UNC5D: variants seen among roughly 807,000 people sequenced by gnomAD.
The protein encoded by UNC5D is netrin receptor UNC5D.
Under a neutral mutation model 105.4 loss-of-function variants are expected in UNC5D, and 39 were observed. The observed-to-expected ratio is 0.37, with a 90% CI of 0.29 to 0.48. UNC5D has a LOEUF of 0.48. UNC5D is among the 20% of genes least tolerant of loss of function. UNC5D has a pLI of 0.98. For missense variants in UNC5D, 991 were observed against 1,202.4 expected (o/e 0.82, Z 2.60); for synonymous variants, 452 against 450.4 (o/e 1.00, Z -0.04).
chr8:35,709,404 A>C (rs1827798065), intron 8 of UNC5D, among the ~76,000 whole-genome samples: 1 of 152,156 alleles, frequency 6.6e-6, no homozygotes. Flanking sequence ...TAATAAAGTT[A>C]TGTAGCTGGA....
intron 1 of UNC5D, among the ~76,000 whole-genome samples, chr8:35,514,503 A>G (rs887929701): frequency 2.0e-5 from 3 of 152,222 alleles, no homozygotes; most frequent in Admixed American, 1.3e-4. Flanking sequence ...CAACATTCCA[A>G]TCAAAGCAGA....
At chr8:35,376,369 G>A (rs1802699846) in intron 1 of UNC5D, among the ~76,000 whole-genome samples, 3 of 152,136 alleles carry the variant, frequency 2.0e-5, no homozygotes, top group South Asian at 2.1e-4. Flanking sequence ...TGATGTATTT[G>A]GTGAAGAACG....
chr8:35,297,486 A>G (rs934801919), intron 1 of UNC5D, among the ~76,000 whole-genome samples: 1 of 152,160 alleles, frequency 6.6e-6, no homozygotes, highest in African/African-American at 2.4e-5. Flanking sequence ...ATGGAATCAC[A>G]TCTATTGATG....
intron 8 of UNC5D, chr8:35,721,575 A>C: frequency 1.4e-6 from 1 of 699,020 alleles, no homozygotes; most frequent in Non-Finnish European, 2.6e-6. Flanking sequence ...CCATGGACTT[A>C]ACAGCACCTG....
intron 3 of UNC5D, among the ~76,000 whole-genome samples, chr8:35,579,997 C>T (rs904145795): frequency 2.0e-5 from 3 of 152,118 alleles, no homozygotes; most frequent in Admixed American, 6.6e-5. Flanking sequence ...GATTCAGGAA[C>T]GTAAAATTAG....
At chr8:35,676,102 C>G (rs866157526) in intron 4 of UNC5D, among the ~76,000 whole-genome samples, 9 of 152,072 alleles carry the variant, frequency 5.9e-5, no homozygotes, top group South Asian at 4.1e-4. Context: ...ACTAGAAGCT[C>G]ATCAGTTGCA....
intron 1 of UNC5D, among the ~76,000 whole-genome samples, chr8:35,510,014 C>T (rs1812591542): frequency 6.6e-6 from 1 of 152,160 alleles, no homozygotes; most frequent in Non-Finnish European, 1.5e-5. Context: ...TTCGTGCCCT[C>T]TTTGGGTGCA....
At position 35,697,669 on chromosome 8, in the gene UNC5D, C is replaced by T. The variant is rs375102503; in HGVS notation, c.1085-8260C>T. ...ACGGACACTGTATAAGGCTTAGCAG[C>T]ACTGATTCATTTGACAGATATTTAT... On this transcript the variant is annotated intron_variant, in intron 7 of 16. Transcript: ENST00000404895. Among the ~76,000 whole-genome samples the T allele has an allele frequency of 6.2e-4, 94 of 152,222 alleles. 1 individual carries two copies. In the South Asian group the frequency reaches 0.019, roughly 31 times the overall value.
chr8:35,300,350 G>A (rs894993137), intron 1 of UNC5D, among the ~76,000 whole-genome samples: 3 of 150,862 alleles, frequency 2.0e-5, no homozygotes, highest in African/African-American at 7.3e-5. Flanking sequence ...TGGAGGCTGA[G>A]GTAGGAGAAT....
intron 1 of UNC5D, among the ~76,000 whole-genome samples, chr8:35,380,204 A>G (rs910442566): frequency 4.0e-5 from 6 of 148,990 alleles, no homozygotes; most frequent in Non-Finnish European, 9.0e-5. Flanking sequence ...AGAGGGAGAG[A>G]GAGAGAGAGA....
rs939610337 is a variant in UNC5D at position 35,795,346 on chromosome 8, A to T, written c.*4783A>T. 6.6e-6 allele frequency: 1 copy of T among 152,200 alleles called. No homozygotes were observed. Among genetic ancestry groups the T allele is most frequent in the African/African-American group, 2.4e-5 (1 of 41,460 alleles). 9.4% of individuals were successfully genotyped at this position (152,200 alleles called of 1,614,324 possible). A position where few individuals can be genotyped will look rare whatever the true frequency, so the allele number is the denominator to read the frequency against. On this transcript the variant is annotated 3_prime_UTR_variant, in exon 17 of 17. Transcript: ENST00000404895. The stretch of plus-strand genomic sequence containing the variant: ...TTGCCTCCAGTTTTGCTAACCCTAA[A>T]AAGTATTTCACTAATTTCAAGCACT...
intron 1 of UNC5D, among the ~76,000 whole-genome samples, chr8:35,412,990 A>G (rs1805273623): frequency 6.6e-6 from 1 of 152,100 alleles, no homozygotes; most frequent in Admixed American, 6.6e-5. Context: ...CTTTTTGAAC[A>G]TATGAAATGT....
intron 1 of UNC5D, among the ~76,000 whole-genome samples, chr8:35,491,380 A>C (rs1811206851): frequency 6.6e-6 from 1 of 152,166 alleles, no homozygotes; most frequent in Admixed American, 6.5e-5. Flanking sequence ...CTTGGCTTTA[A>C]ACAATAGGCC....
chr8:35,427,687 G>A (rs1197047323), intron 1 of UNC5D, among the ~76,000 whole-genome samples: 1 of 152,182 alleles, frequency 6.6e-6, no homozygotes, highest in Non-Finnish European at 1.5e-5. Context: ...GGAGTCTCCT[G>A]TAATCCCTGT....
chr8:35,322,997 C>T (rs1809864894), intron 1 of UNC5D, among the ~76,000 whole-genome samples: 1 of 152,116 alleles, frequency 6.6e-6, no homozygotes, highest in African/African-American at 2.4e-5. Context: ...CCAGGCATTT[C>T]TGCCTCTGCA....
At chr8:35,304,667 A>G (rs532625653) in intron 1 of UNC5D, among the ~76,000 whole-genome samples, 1 of 152,216 alleles carries the variant, frequency 6.6e-6, no homozygotes, top group Non-Finnish European at 1.5e-5. Flanking sequence ...GACTGTAATA[A>G]TTTTGTAAGC....
chr8:35,545,875 C>A (rs373730066), intron 1 of UNC5D, among the ~76,000 whole-genome samples: 1 of 151,512 alleles, frequency 6.6e-6, no homozygotes, highest in African/African-American at 2.4e-5. Context: ...ATCCTCTGAA[C>A]GTTAACTGAT....
intron 1 of UNC5D, among the ~76,000 whole-genome samples, chr8:35,430,909 C>T (rs1244544573): frequency 6.6e-6 from 1 of 152,144 alleles, no homozygotes; most frequent in Non-Finnish European, 1.5e-5. Flanking sequence ...CACACACATG[C>T]ATGCATGCAC....
intron 4 of UNC5D, among the ~76,000 whole-genome samples, chr8:35,657,080 G>GACA (rs1823806698): frequency 2.1e-5 from 1 of 46,516 alleles, no homozygotes; most frequent in African/African-American, 1.1e-4. Flanking sequence ...GTGTGTGTGT[G>GACA]TATATATATA....
Sources: allele counts gnomAD v4.1 joint callset (sites outside exome capture counted in the v4.1 genomes callset), GRCh38; gene constraint gnomAD v4.1.1; transcripts MANE v1.5; gene names NCBI Gene and HGNC (gene_info 2026-07-23, HGNC 2026-07-21).